The following CELF5 variants were observed in gnomAD, a reference collection of about 807,000 sequenced individuals.
CELF5 encodes the protein CUG-BP and ETR-3 like factor 5.
A neutral mutation model predicts 54.9 loss-of-function variants in CELF5; 6 were observed. That is an observed-to-expected ratio of 0.11 (90% CI 0.06 to 0.22). The LOEUF (loss-of-function observed/expected upper bound fraction) is 0.22, where lower values mean the gene tolerates loss of function less well. CELF5 is among the 10% of genes least tolerant of loss of function. The probability of loss-of-function intolerance (pLI) is 1.00; values close to 1 mark genes in which losing one functional copy is unlikely to be tolerated. For missense variants in CELF5, 401 were observed against 678.6 expected (o/e 0.59, Z 4.54); for synonymous variants, 271 against 290.9 (o/e 0.93, Z 0.70).
At chr19:3,255,746 T>C (rs1199438015) in intron 2 of CELF5, among the ~76,000 whole-genome samples, 8 of 152,102 alleles carry the variant, frequency 5.3e-5, no homozygotes, top group African/African-American at 1.9e-4. Flanking sequence ...TTTCTCCACC[T>C]AACAGGCTGC....
chr19:3,257,568 C>T (rs1043097900), intron 2 of CELF5, among the ~76,000 whole-genome samples: 9 of 151,408 alleles, frequency 5.9e-5, no homozygotes, highest in Admixed American at 3.3e-4. Flanking sequence ...CTCTGCCTCC[C>T]GGGTTCAAGC....
chr19:3,253,831 CTT>C (rs2145073007), intron 2 of CELF5, among the ~76,000 whole-genome samples: 2 of 152,206 alleles, frequency 1.3e-5, no homozygotes, highest in East Asian at 3.9e-4. Context: ...AGCTCTGGTC[CTT>C]CTGTCCAGAG....
chr19:3,246,872 T>C (rs959685442), intron 1 of CELF5, among the ~76,000 whole-genome samples: 4 of 152,152 alleles, frequency 2.6e-5, no homozygotes, highest in African/African-American at 9.7e-5. Context: ...AACTCCCCCA[T>C]GATGCACACA....
chr19:3,293,807 G>A (rs923855311), intron 12 of CELF5: 1 of 231,578 alleles, frequency 4.3e-6, no homozygotes, highest in Non-Finnish European at 8.6e-6. Context: ...GTTTGCTCTG[G>A]GGGTGGGGGT....
At chr19:3,265,535 G>A (rs2079869990) in intron 2 of CELF5, among the ~76,000 whole-genome samples, 1 of 152,162 alleles carries the variant, frequency 6.6e-6, no homozygotes, top group Admixed American at 6.5e-5. Flanking sequence ...TTGAGACAGA[G>A]TCTCGCTGTT....
chr19:3,243,176 T>C (rs1272588948), intron 1 of CELF5, among the ~76,000 whole-genome samples: 1 of 152,100 alleles, frequency 6.6e-6, no homozygotes, highest in Non-Finnish European at 1.5e-5. Flanking sequence ...TTTCTTTTTT[T>C]CTTTGGTTTT....
chr19:3,275,327 G>A lies in CELF5; in HGVS notation c.395-529G>A, dbSNP rs2080029756. 6.6e-6 allele frequency among the ~76,000 whole-genome samples: 1 copy of A among 152,246 alleles called. No individual in the cohort carries two copies. The highest frequency in any genetic ancestry group is 6.5e-5 in the Admixed American group (1 of 15,286). On this transcript the variant is annotated intron_variant, in intron 3 of 12. Transcript: ENST00000292672. This position sits in a 1 kb window ranked among gnomAD's most constrained non-coding sequence, Gnocchi z 6.7. ...TGAACCCTCACTCCACTCCACAGAT[G>A]GTGACTGCCTGGCCCCTCTTGATCC...
At position 3,275,726 on chromosome 19, in the gene CELF5, C is replaced by T; in HGVS notation, c.395-130C>T. The T allele has an allele frequency of 1.0e-6, 1 of 997,712 alleles. No individual in the cohort carries two copies. The highest frequency in any genetic ancestry group is 1.4e-6 in the Non-Finnish European group (1 of 704,012). The allele number at this position is 997,712 out of a possible 1,614,324, so 61.8% of individuals were successfully genotyped here. Reference sequence around the variant, plus strand: ...TGGGTCCTCCCTCGCACGCGCAGAACCGGAGCCGGCAGGGCCCGGGCGCCG... The same window carrying T: ...TGGGTCCTCCCTCGCACGCGCAGAATCGGAGCCGGCAGGGCCCGGGCGCCG... On this transcript the variant is annotated intron_variant, in intron 3 of 12. Coordinates refer to ENST00000292672, the MANE Select transcript of CELF5 (RefSeq NM_021938.4). This position sits in a 1 kb window ranked among gnomAD's most constrained non-coding sequence, Gnocchi z 6.7.
chr19:3,266,027 G>C (rs559142694), intron 2 of CELF5, among the ~76,000 whole-genome samples: 1 of 152,066 alleles, frequency 6.6e-6, no homozygotes, highest in African/African-American at 2.4e-5. Context: ...GGCTGGTCTC[G>C]AACTCCTGAC....
chr19:3,245,106 T>C (rs1364986137), intron 1 of CELF5, among the ~76,000 whole-genome samples: 1 of 148,870 alleles, frequency 6.7e-6, no homozygotes, highest in Non-Finnish European at 1.5e-5. Context: ...GGTGTGTGCA[T>C]GCACCTGTGC....
At chr19:3,240,975 C>T (rs1382413900) in intron 1 of CELF5, among the ~76,000 whole-genome samples, 1 of 152,108 alleles carries the variant, frequency 6.6e-6, no homozygotes, top group Non-Finnish European at 1.5e-5. Context: ...CCCCAAGGAT[C>T]CCCCACCTTG....
At chr19:3,264,055 A>T (rs1057404552) in intron 2 of CELF5, among the ~76,000 whole-genome samples, 1 of 152,168 alleles carries the variant, frequency 6.6e-6, no homozygotes, top group African/African-American at 2.4e-5. Context: ...TACTAAGCCC[A>T]ACTCTTTTCT....
intron 3 of CELF5, among the ~76,000 whole-genome samples, chr19:3,274,215 C>T (rs904683712): frequency 6.6e-5 from 10 of 152,090 alleles, no homozygotes; most frequent in African/African-American, 2.4e-4. Flanking sequence ...TACTCCACTC[C>T]CTTCAGGGTG....
chr19:3,286,094 C>A lies in CELF5; in HGVS notation c.1186+69C>A. The stretch of plus-strand genomic sequence containing the variant: ...GCCCGCCCTGTCCACCTGCAGGCTC[C>A]GTGTCTGGCCCGGGCCTCTGGGACC... On this transcript the variant is annotated intron_variant, in intron 10 of 12. Coordinates refer to ENST00000292672, the MANE Select transcript of CELF5 (RefSeq NM_021938.4). 4 of 1,337,124 alleles carry A rather than the reference C, an allele frequency of 3.0e-6. No individual in the cohort carries two copies. The South Asian group carries it at 6.1e-5, about 20-fold the overall frequency. 82.8% of individuals were successfully genotyped at this position (1,337,124 alleles called of 1,614,324 possible). A position where few individuals can be genotyped will look rare whatever the true frequency, so the allele number is the denominator to read the frequency against.
In CELF5 at chr19:3,281,278, G is replaced by T; in HGVS notation, c.683G>T (p.Gly228Val). The change falls in exon 6 of 13, where the codon GGC becomes GTC. Residue 228 changes from glycine to valine, a missense_variant. Gly to Val is a moderately radical substitution (Grantham distance 109). Transcript: ENST00000292672. This position sits in a 1 kb window ranked among gnomAD's most constrained non-coding sequence, Gnocchi z 6.5. ...RTLRRMQQMV[G>V]QLGILTPSLT... ...CTCCGGCGCATGCAGCAGATGGTGG[G>T]CCAGCTGGGCATCCTGACGCCGTCC... 6.2e-7 allele frequency: 1 copy of T among 1,611,786 alleles called. No homozygotes were observed.
At chr19:3,250,879 G>C in intron 1 of CELF5, 106 bp from the exon 2 acceptor site, 3 of 596,340 alleles carry the variant, frequency 5.0e-6, no homozygotes, top group South Asian at 2.6e-5. Flanking sequence ...ATGCATCTGT[G>C]GATGGAAGCT....
rs777083852 is a variant in CELF5 at position 3,259,890 on chromosome 19, C to T, written c.342+8823C>T. On this transcript the variant is annotated intron_variant, in intron 2 of 12. Transcript: ENST00000292672. ...ATCCGGCCCCAATGTCCACAGTGCCCGGGTGGGAGAGACCTTGCCTAGGAA... is the reference window on the plus strand; with the variant it reads ...ATCCGGCCCCAATGTCCACAGTGCCTGGGTGGGAGAGACCTTGCCTAGGAA... 9.2e-5 allele frequency among the ~76,000 whole-genome samples: 14 copies of T among 152,060 alleles called. 1 individual carries two copies. Among genetic ancestry groups the T allele is most frequent in the Non-Finnish European group, 2.1e-4 (14 of 68,016 alleles).
intron 1 of CELF5, 87 bp downstream of exon 1, chr19:3,225,085 T>C: frequency 1.3e-6 from 1 of 778,738 alleles, no homozygotes; most frequent in Non-Finnish European, 1.9e-6. Flanking sequence ...TCACCATCCC[T>C]CCTCTGCTCA....
At chr19:3,235,510 A>G (rs1337208116) in intron 1 of CELF5, among the ~76,000 whole-genome samples, 2 of 35,642 alleles carry the variant, frequency 5.6e-5, no homozygotes, top group Non-Finnish European at 1.2e-4. Flanking sequence ...GGGTGGGTGG[A>G]TGGATGGATG....
Sources: gnomAD v4.1 joint callset for allele counts (sites outside exome capture counted in the v4.1 genomes callset) on GRCh38, gnomAD v4.1.1 for gene constraint, Gnocchi (gnomAD v3.1) non-coding constraint, MANE v1.5 for transcripts, NCBI Gene and HGNC (gene_info 2026-07-23, HGNC 2026-07-21) for gene names.